CNIH3: variants seen among roughly 807,000 people sequenced by gnomAD.
CNIH3 encodes protein cornichon homolog 3.
Under a neutral mutation model 24.1 loss-of-function variants are expected in CNIH3, and 14 were observed. The observed-to-expected ratio is 0.58, with a 90% confidence interval of 0.38 to 0.91. The LOEUF (loss-of-function observed/expected upper bound fraction) is 0.91. Among genes scored for constraint, CNIH3 ranks in the 40% least tolerant of loss-of-function variants. The probability of loss-of-function intolerance (pLI) is 0.00; values close to 1 mark genes in which losing one functional copy is unlikely to be tolerated. For synonymous variants in CNIH3, 68 were observed against 73.8 expected (o/e 0.92, Z 0.40); for missense variants, 178 against 196.8 (o/e 0.90, Z 0.57).
chr1:224,712,562 C>T (rs1688213513), intron 3 of CNIH3, among the ~76,000 whole-genome samples: 1 of 152,052 alleles, frequency 6.6e-6, no homozygotes, highest in African/African-American at 2.4e-5. Flanking sequence ...ATGAGAGACT[C>T]CTTTGAAGAG....
At chr1:224,651,820 A>G (rs298738) in intron 1 of CNIH3, among the ~76,000 whole-genome samples, 87,324 of 152,050 alleles carry the variant, frequency 0.57, 27,100 homozygotes, top group African/African-American at 0.81. Flanking sequence ...AGTGGTGTCT[A>G]TTTCAATGGG....
chr1:224,501,172 G>A (rs1677649087), intron 1 of CNIH3, among the ~76,000 whole-genome samples: 1 of 151,834 alleles, frequency 6.6e-6, no homozygotes, highest in African/African-American at 2.4e-5. Flanking sequence ...TTTGTTTTAT[G>A]TCCACTTGTT....
chr1:224,695,545 T>G (rs1446803932), intron 3 of CNIH3, among the ~76,000 whole-genome samples: 1 of 152,174 alleles, frequency 6.6e-6, no homozygotes, highest in African/African-American at 2.4e-5. Flanking sequence ...AATTATCTGC[T>G]CACCAGATGG....
upstream of CNIH3, among the ~76,000 whole-genome samples, chr1:224,514,981 A>C (rs909432994): frequency 3.9e-5 from 6 of 152,202 alleles, no homozygotes; most frequent in African/African-American, 1.4e-4. Context: ...TGCAGAGCTG[A>C]GATTTAGCTG....
rs1179560277 is a variant in CNIH3 at position 224,730,581 on chromosome 1, C to A, written c.311+7C>A. ...TTTTCTATCACTTCTGGAGGTAAGT[C>A]AGACTGGGACTGGTATATCCTTCGT... is the stretch of plus-strand genomic sequence containing the variant. On this transcript the variant is annotated splice_region_variant and intron_variant, in intron 4 of 5. Coordinates refer to ENST00000272133, the MANE Select transcript of CNIH3 (RefSeq NM_152495.2). 2 of 1,500,354 alleles carry A rather than the reference C, an allele frequency of 1.3e-6. No homozygotes were observed. The highest frequency in any genetic ancestry group is 9.1e-7 in the Non-Finnish European group (1 of 1,099,756). 92.9% of individuals were successfully genotyped at this position (1,500,354 alleles called of 1,614,324 possible).
chr1:224,602,032 A>G (rs1474502639), intron 3 of CNIH3, among the ~76,000 whole-genome samples: 2 of 152,212 alleles, frequency 1.3e-5, no homozygotes, highest in Non-Finnish European at 2.9e-5. Context: ...TTGACAATAT[A>G]GTTTGTATAT....
chr1:224,514,616 A>T (rs771369615), upstream of CNIH3, among the ~76,000 whole-genome samples: 4 of 152,198 alleles, frequency 2.6e-5, no homozygotes, highest in Non-Finnish European at 4.4e-5. Context: ...GGATCACTTG[A>T]AGCCAGGAGT....
chr1:224,514,585 C>T (rs1346314492), upstream of CNIH3, among the ~76,000 whole-genome samples: 1 of 152,180 alleles, frequency 6.6e-6, no homozygotes, highest in African/African-American at 2.4e-5. Flanking sequence ...AATCCCAGCA[C>T]TTTGGGAGGC....
intron 1 of CNIH3, among the ~76,000 whole-genome samples, chr1:224,465,131 C>T (rs148920559): frequency 0.038 from 5,659 of 147,638 alleles, 167 homozygotes; most frequent in East Asian, 0.1. Context: ...TTTTTTGAGA[C>T]GGAGTTTCGC....
At chr1:224,435,007 G>A in intron 1 of CNIH3, 1 of 985,546 alleles carries the variant, frequency 1.0e-6, no homozygotes, top group Non-Finnish European at 1.2e-6. Flanking sequence ...CCCCGGCCCC[G>A]CTCGGGCCTT....
At chr1:224,640,988 G>A (rs1684330467) in intron 1 of CNIH3, among the ~76,000 whole-genome samples, 1 of 152,172 alleles carries the variant, frequency 6.6e-6, no homozygotes, top group African/African-American at 2.4e-5. Context: ...ATTCAGCAAA[G>A]ATTATACCGT....
intron 3 of CNIH3, among the ~76,000 whole-genome samples, chr1:224,607,595 G>A (rs760766211): frequency 3.3e-5 from 5 of 152,186 alleles, no homozygotes; most frequent in Non-Finnish European, 7.3e-5. Context: ...GAAGCAATCA[G>A]ATATGCATTT....
chr1:224,452,660 T>C (rs1284284850), intron 1 of CNIH3, among the ~76,000 whole-genome samples: 3 of 150,356 alleles, frequency 2.0e-5, no homozygotes, highest in South Asian at 4.2e-4. Flanking sequence ...TGGGCACCTG[T>C]AGTCCCAGCT....
chr1:224,657,942 A>G (rs1685176253), intron 1 of CNIH3, among the ~76,000 whole-genome samples: 1 of 152,244 alleles, frequency 6.6e-6, no homozygotes, highest in Non-Finnish European at 1.5e-5. Flanking sequence ...TATTACTGAT[A>G]ACATATACTA....
At chr1:224,616,227 C>T (rs527798522), upstream of CNIH3, 8 of 158,480 alleles carry the variant, frequency 5.0e-5, no homozygotes, top group East Asian at 1.3e-3. Context: ...CTGCAGTCTC[C>T]GCCCGCCGGG....
At chr1:224,528,316 CTTAT>C (rs1169700864) in intron 2 of CNIH3, among the ~76,000 whole-genome samples, 1 of 151,996 alleles carries the variant, frequency 6.6e-6, no homozygotes, top group African/African-American at 2.4e-5. Flanking sequence ...ATTTTATTTA[CTTAT>C]TTATTTATGT....
chr1:224,616,483 G>A lies in CNIH3; in HGVS notation c.-692G>A. 1.0e-6 allele frequency: 1 copy of A among 987,960 alleles called. No homozygotes were observed. The highest frequency in any genetic ancestry group is 1.2e-6 in the Non-Finnish European group (1 of 831,076). The allele number at this position is 987,960 out of a possible 1,614,324, so 61.2% of individuals were successfully genotyped here. On this transcript the variant is annotated 5_prime_UTR_variant, in exon 1 of 6. Transcript: ENST00000272133. ...GACCCCCGGTTTCCGGGACACTTGGGTTGCGGAGGCCGGCTGGCCGGAGTC... is the reference window on the plus strand; with the variant it reads ...GACCCCCGGTTTCCGGGACACTTGGATTGCGGAGGCCGGCTGGCCGGAGTC...
Position 224,704,250 on chromosome 1 carries a change from G to A in CNIH3, c.198+19407G>A, listed in dbSNP as rs909017731. 6.6e-6 allele frequency among the ~76,000 whole-genome samples: 1 copy of A among 152,170 alleles called. No individual in the cohort carries two copies. The highest frequency in any genetic ancestry group is 2.4e-5 in the African/African-American group (1 of 41,434). ...AGACACAGCCCCTTCTCTCCTAGAAGCAGAGGCACGGGAACAATGAGAAGG... is the reference window on the plus strand; with the variant it reads ...AGACACAGCCCCTTCTCTCCTAGAAACAGAGGCACGGGAACAATGAGAAGG... On this transcript the variant is annotated intron_variant, in intron 3 of 5. Transcript: ENST00000272133. The surrounding 1 kb of genome is among the most constrained non-coding windows in gnomAD (Gnocchi z 4.2).
At chr1:224,580,013 A>C (rs1376024789) in intron 4 of CNIH3, among the ~76,000 whole-genome samples, 1 of 152,170 alleles carries the variant, frequency 6.6e-6, no homozygotes, top group Non-Finnish European at 1.5e-5. Flanking sequence ...TCTCGAAATC[A>C]GTCTGTAAAT....
Sources: gnomAD v4.1 joint callset for allele counts (sites outside exome capture counted in the v4.1 genomes callset) on GRCh38, gnomAD v4.1.1 for gene constraint, Gnocchi (gnomAD v3.1) non-coding constraint, MANE v1.5 for transcripts, NCBI Gene and HGNC (gene_info 2026-07-23, HGNC 2026-07-21) for gene names.